The following MLLT10 variants were observed in gnomAD, a reference collection of about 807,000 sequenced individuals.
MLLT10 encodes the protein protein AF-10.
Under a neutral mutation model 129.1 loss-of-function variants are expected in MLLT10, and 30 were observed. That is an observed-to-expected ratio of 0.23 (90% CI 0.17 to 0.32). The LOEUF is 0.32. Ranked by LOEUF, MLLT10 falls within the 10% of genes least tolerant of loss-of-function variation. The pLI is 1.00. For missense variants in MLLT10, 1,119 were observed against 1,268.3 expected (o/e 0.88, Z 1.79); for synonymous variants, 490 against 446.4 (o/e 1.10, Z -1.23).
chr10:21,622,211 G>A (rs536207357), intron 8 of MLLT10, among the ~76,000 whole-genome samples: 1 of 141,192 alleles, frequency 7.1e-6, no homozygotes, highest in African/African-American at 2.7e-5. Flanking sequence ...AGGCTGGGGT[G>A]CAGTGGCACC....
intron 3 of MLLT10, among the ~76,000 whole-genome samples, chr10:21,559,843 T>A (rs182449432): frequency 6.6e-6 from 1 of 152,346 alleles, no homozygotes; most frequent in East Asian, 1.9e-4. Context: ...GTTTTGTTTA[T>A]CCATTCATCT....
chr10:21,733,798 A>C lies in MLLT10; in HGVS notation c.2527A>C (p.Ser843Arg). 1 of 1,613,894 alleles carries C rather than the reference A, an allele frequency of 6.2e-7. No homozygotes were observed. Among genetic ancestry groups the C allele is most frequent in the Non-Finnish European group, 8.5e-7 (1 of 1,179,906 alleles). The stretch of plus-strand genomic sequence containing the variant: ...AACCTCCAGTGGACAAAGTACCAGC[A>C]GCTCATCAGCTCTTTCTACCCCACC... The part of the protein sequence containing the change: ...DLTSSGQSTS[S>R]SSALSTPPPA... The change falls in exon 20 of 23, where the codon AGC (serine) becomes CGC (arginine). Residue 843 changes from serine (S) to arginine (R), a missense_variant. This residue lies in a region of MLLT10 where 1,004 missense variants were observed against 1,008.7 expected (regional missense o/e 1.00). Transcript: ENST00000307729.
At chr10:21,740,989 G>C (rs2058781709) in intron 22 of MLLT10, among the ~76,000 whole-genome samples, 1 of 152,212 alleles carries the variant, frequency 6.6e-6, no homozygotes, top group South Asian at 2.1e-4. Context: ...GAGGGACTGA[G>C]GTGGGAGACT....
chr10:21,582,108 T>C (rs2041522617), intron 3 of MLLT10, among the ~76,000 whole-genome samples: 1 of 151,982 alleles, frequency 6.6e-6, no homozygotes, highest in African/African-American at 2.4e-5. Flanking sequence ...AGTACATTGT[T>C]ATTTTTTTTT....
chr10:21,557,948 C>CTTTTTTTTTTTTTT (rs945740582), intron 3 of MLLT10: 31 of 104,444 alleles, frequency 3.0e-4, no homozygotes, highest in Non-Finnish European at 3.7e-4. Flanking sequence ...TTTTTTTTTT[C>CTTTTTTTTTTTTTT]TTTTTTTTTT....
intron 3 of MLLT10, among the ~76,000 whole-genome samples, chr10:21,552,595 T>C (rs1268425418): frequency 6.6e-6 from 1 of 151,148 alleles, no homozygotes; most frequent in Non-Finnish European, 1.5e-5. Context: ...CTTTACCGTG[T>C]TGGCCAGGCT....
At chr10:21,632,715 C>G (rs950141809) in intron 8 of MLLT10, among the ~76,000 whole-genome samples, 1 of 152,030 alleles carries the variant, frequency 6.6e-6, no homozygotes, top group African/African-American at 2.4e-5. Flanking sequence ...TTTCTATGGC[C>G]TCTCTTTTGT....
intron 8 of MLLT10, among the ~76,000 whole-genome samples, chr10:21,642,647 ACT>A (rs1324115102): frequency 1.4e-5 from 2 of 144,312 alleles, no homozygotes; most frequent in East Asian, 2.0e-4. Context: ...ACAGAGCAAG[ACT>A]CTGTCTCAAA....
chr10:21,652,192 A>G (rs1332528565), intron 9 of MLLT10, among the ~76,000 whole-genome samples: 2 of 152,070 alleles, frequency 1.3e-5, no homozygotes, highest in Non-Finnish European at 2.9e-5. Context: ...GATTACAGGC[A>G]AGAGCCACCA....
rs576421049 is a variant in MLLT10 at position 21,676,624 on chromosome 10, G to C, written c.1621+2705G>C. On this transcript the variant is annotated intron_variant, in intron 11 of 22. Coordinates refer to ENST00000307729, the MANE Select transcript of MLLT10 (RefSeq NM_001195626.3). ...TAGTCCCAGCTACTAGGGAGGCTGA[G>C]GCAGGAGAATCGCTTAAACCCGGGA... is the stretch of plus-strand genomic sequence containing the variant. Among the ~76,000 whole-genome samples the C allele has an allele frequency of 2.9e-4, 43 of 148,038 alleles. No homozygotes were observed. The East Asian group carries it at 8.7e-3, about 30-fold the overall frequency.
At chr10:21,675,451 GACTAAAACT>G (rs1331169810) in intron 11 of MLLT10, among the ~76,000 whole-genome samples, 1 of 152,192 alleles carries the variant, frequency 6.6e-6, no homozygotes, top group African/African-American at 2.4e-5. Context: ...GTGTCCAGAG[GACTAAAACT>G]ACCTCTGGTT....
chr10:21,738,297 A>G (rs998209029), intron 21 of MLLT10: 55 of 836,438 alleles, frequency 6.6e-5, no homozygotes, highest in Non-Finnish European at 8.6e-5. Flanking sequence ...TGCTGACACT[A>G]AGATGGGATC....
chr10:21,668,070 A>G (rs1241457534), intron 9 of MLLT10, among the ~76,000 whole-genome samples: 1 of 152,168 alleles, frequency 6.6e-6, no homozygotes, highest in Non-Finnish European at 1.5e-5. Context: ...GAAAACAACA[A>G]CAACAAAAAA....
chr10:21,735,013 G>A (rs987892384), intron 20 of MLLT10, 126 bp from the exon 21 acceptor site: 3 of 665,096 alleles, frequency 4.5e-6, no homozygotes, highest in Non-Finnish European at 7.8e-6. Context: ...TGTTTTCAGA[G>A]TGTTTGGATT....
intron 3 of MLLT10, among the ~76,000 whole-genome samples, chr10:21,581,205 C>G (rs541475127): frequency 2.0e-5 from 3 of 152,016 alleles, no homozygotes; most frequent in African/African-American, 7.2e-5. Context: ...ACTATCACAC[C>G]TGGCTTATTT....
intron 3 of MLLT10, among the ~76,000 whole-genome samples, chr10:21,583,716 A>T (rs1202254478): frequency 6.6e-6 from 1 of 152,080 alleles, no homozygotes; most frequent in African/African-American, 2.4e-5. Flanking sequence ...AACAGCAAGA[A>T]ACTCACTCAT....
chr10:21,729,512 C>T (rs2057782491), intron 16 of MLLT10, among the ~76,000 whole-genome samples: 2 of 152,262 alleles, frequency 1.3e-5, no homozygotes, highest in African/African-American at 2.4e-5. Context: ...ATAATGTTTA[C>T]ATATGGAATA....
At chr10:21,542,062 T>A (rs765900813) in intron 3 of MLLT10, among the ~76,000 whole-genome samples, 1 of 151,968 alleles carries the variant, frequency 6.6e-6, no homozygotes, top group Non-Finnish European at 1.5e-5. Context: ...ACACTGACAA[T>A]GAGATGAGGC....
intron 3 of MLLT10, among the ~76,000 whole-genome samples, chr10:21,542,414 CA>C (rs1477195345): frequency 2.0e-5 from 3 of 152,150 alleles, no homozygotes; most frequent in Non-Finnish European, 4.4e-5. Context: ...TCTAAAAATA[CA>C]AAAAATTAGC....
Sources: allele counts gnomAD v4.1 joint callset (sites outside exome capture counted in the v4.1 genomes callset), GRCh38; gene constraint gnomAD v4.1.1; regional missense constraint gnomAD v4.1.1; transcripts MANE v1.5; gene names NCBI Gene and HGNC (gene_info 2026-07-23, HGNC 2026-07-21).